DHRS4L2: variants seen among roughly 807,000 people sequenced by gnomAD.
The protein encoded by DHRS4L2 is dehydrogenase/reductase 4 like 2, also known as dehydrogenase/reductase SDR family member 4-like 2.
Under a neutral mutation model 23.9 loss-of-function variants are expected in DHRS4L2, and 22 were observed. The ratio of observed to expected loss-of-function variants is 0.92; its 90% CI spans 0.66 to 1.31. The LOEUF (loss-of-function observed/expected upper bound fraction) is 1.31. Ranked by LOEUF, DHRS4L2 falls within the 40% of genes most tolerant of loss-of-function variation. The pLI is 0.00. For synonymous variants in DHRS4L2, 141 were observed against 123.7 expected, an observed-to-expected ratio of 1.14 and a Z score of -0.93; for missense variants, 385 against 303.3, an observed-to-expected ratio of 1.27 and a Z score of -2.00.
chr14:23,999,293 A>G (rs1364499638), intron 3 of DHRS4L2, among the ~76,000 whole-genome samples: 9 of 146,900 alleles, frequency 6.1e-5, no homozygotes, highest in Middle Eastern at 3.6e-3. Flanking sequence ...AGCACATGCA[A>G]TTGGAAAAAT....
upstream of DHRS4L2, among the ~76,000 whole-genome samples, chr14:23,984,678 G>A (rs757567607): frequency 1.1e-4 from 16 of 150,786 alleles, no homozygotes; most frequent in Non-Finnish European, 2.2e-4. Context: ...TAGCTCACCA[G>A]GTACTGTAGT....
At chr14:23,976,904 G>A (rs2033976749) in intron 1 of DHRS4L2, among the ~76,000 whole-genome samples, 1 of 151,720 alleles carries the variant, frequency 6.6e-6, no homozygotes, top group African/African-American at 2.4e-5. Flanking sequence ...AGTGGAACAA[G>A]GAGAACACAT....
chr14:23,990,308 C>G lies in DHRS4L2; in HGVS notation c.255C>G (p.Gly85=), dbSNP rs1303385663. 6.2e-7 allele frequency: 1 copy of G among 1,612,000 alleles called. No individual in the cohort carries two copies. The highest frequency in any genetic ancestry group is 1.3e-5 in the African/African-American group (1 of 74,788). The change falls in exon 2 of 8, where the codon GGC becomes GGG. Residue 85 remains glycine, a synonymous_variant. Transcript: ENST00000335125. ...AGGGGGAGGGGCTGAGCGTGACGGG[C>G]ACTGTGTGCCATGTGGGGAAGGCGG... is the stretch of plus-strand genomic sequence containing the variant. ...TLQGEGLSVT[G]TVCHVGKAED...
chr14:24,001,648 C>A, intron 6 of DHRS4L2, 131 bp downstream of exon 6: 4 of 1,371,636 alleles, frequency 2.9e-6, no homozygotes, highest in Non-Finnish European at 3.9e-6. Flanking sequence ...TTCCCATATT[C>A]CCTCTCTGTA....
intron 3 of DHRS4L2, among the ~76,000 whole-genome samples, chr14:24,000,150 G>A (rs1179270226): frequency 7.0e-6 from 1 of 143,054 alleles, no homozygotes; most frequent in East Asian, 2.0e-4. Context: ...AGGACAAAAT[G>A]TGAACAATTG....
At chr14:24,002,280 T>TGGC (rs2034507425) in intron 6 of DHRS4L2, among the ~76,000 whole-genome samples, 1 of 54,764 alleles carries the variant, frequency 1.8e-5, no homozygotes. Flanking sequence ...TGGTTTCCAA[T>TGGC]TTCATCCATG....
chr14:23,993,551 G>A (rs139964146), intron 2 of DHRS4L2, among the ~76,000 whole-genome samples: 1 of 151,624 alleles, frequency 6.6e-6, no homozygotes, highest in South Asian at 2.1e-4. Flanking sequence ...CCGGGCAAAT[G>A]CAAAGTCTAG....
chr14:23,986,032 A>G, upstream of DHRS4L2, among the ~76,000 whole-genome samples: 1 of 150,752 alleles, frequency 6.6e-6, no homozygotes, highest in East Asian at 1.9e-4. Context: ...TCATTTTTTT[A>G]TTTTCAGTAG....
Position 24,006,340 on chromosome 14 carries a change from A to T in DHRS4L2, c.*477A>T. On this transcript the variant is annotated 3_prime_UTR_variant, in exon 8 of 8. Coordinates refer to ENST00000335125, the MANE Select transcript of DHRS4L2 (RefSeq NM_198083.4). ...AAGGAACCTGGAGTGGAAGGAGCAG[A>T]GTTGCAAATTAACAACTTGCAAATG... The T allele has an allele frequency of 3.6e-6, 1 of 279,668 alleles. No homozygotes were observed. 17.3% of individuals were successfully genotyped at this position (279,668 alleles called of 1,614,324 possible). A position where few individuals can be genotyped will look rare whatever the true frequency, so the allele number is the denominator to read the frequency against.
rs750917599 is a variant in DHRS4L2, at chr14:24,004,353, A to G, written c.682A>G (p.Lys228Glu). ...ASAGCSGWTR[K>E]KRKA Reference sequence around the variant, plus strand: ...TTCCTACAGCTCTGGATGGACAAGGAAAAAGAGGAAAGCATGAAAGAAACC... The same window carrying G: ...TTCCTACAGCTCTGGATGGACAAGGGAAAAGAGGAAAGCATGAAAGAAACC... The change falls in exon 7 of 8, where the codon AAA (lysine) becomes GAA (glutamate). Residue 228 changes from lysine (K) to glutamate (E), a missense_variant. Physicochemically the swap from Lys to Glu is moderately conservative, Grantham distance 56. Transcript: ENST00000335125. The G allele has an allele frequency of 1.2e-5, 19 of 1,604,076 alleles. No homozygotes were observed. The highest frequency in any genetic ancestry group is 1.5e-5 in the Non-Finnish European group (18 of 1,178,614).
chr14:23,974,818 G>T lies in DHRS4L2; in HGVS notation c.-176+4486G>T, dbSNP rs1188398328. Among the ~76,000 whole-genome samples, 2 of 151,768 alleles carry T rather than the reference G, an allele frequency of 1.3e-5. 1 individual carries two copies. The highest frequency in any genetic ancestry group is 4.8e-5 in the African/African-American group (2 of 41,292). ...GATTCATAGCCGAATTCTACCAGAG[G>T]TACAAAGAGGAGCTGGTACTATTCC... On this transcript the variant is annotated intron_variant, in intron 1 of 5. Transcript: ENST00000534993.
At chr14:23,971,578 GAA>G (rs2033858621) in intron 1 of DHRS4L2, among the ~76,000 whole-genome samples, 1 of 152,048 alleles carries the variant, frequency 6.6e-6, no homozygotes. Flanking sequence ...CAGCCAGAGA[GAA>G]AGGTTGGGTG....
chr14:23,974,449 T>C (rs1481144353), intron 1 of DHRS4L2, among the ~76,000 whole-genome samples: 2 of 145,246 alleles, frequency 1.4e-5, no homozygotes, highest in Non-Finnish European at 3.0e-5. Context: ...CTTCAAAGGA[T>C]CAATGAATCC....
chr14:24,000,999 A>C, intron 4 of DHRS4L2, 34 bp from the exon 5 acceptor site: 1 of 1,611,416 alleles, frequency 6.2e-7, no homozygotes, highest in East Asian at 2.2e-5. Flanking sequence ...AGTGGTCCAC[A>C]CTGGGAAGAC....
chr14:23,973,341 A>T (rs181520879), intron 1 of DHRS4L2, among the ~76,000 whole-genome samples: 1 of 152,042 alleles, frequency 6.6e-6, no homozygotes, highest in East Asian at 1.9e-4. Flanking sequence ...TGCTGCGCAC[A>T]GCCCCAGTTC....
In DHRS4L2 at chr14:24,001,458, A is replaced by C; in HGVS notation, c.606A>C (p.Pro202=). The C allele has an allele frequency of 6.2e-7, 1 of 1,606,168 alleles. No homozygotes were observed. The change falls in exon 6 of 8, where the codon CCA becomes CCC. Residue 202 remains proline, a synonymous_variant. Coordinates refer to ENST00000335125, the MANE Select transcript of DHRS4L2 (RefSeq NM_198083.4). ...ATACCCTGGCCATAGAGCTGGCCCCAAGGAACATTAGGGTGAACTGCCTGC... is the reference window on the plus strand; with the variant it reads ...ATACCCTGGCCATAGAGCTGGCCCCCAGGAACATTAGGGTGAACTGCCTGC... The part of the protein sequence containing the change: ...LNNTLAIELA[P]RNIRVNCLHL...
intron 1 of DHRS4L2, among the ~76,000 whole-genome samples, chr14:23,976,572 A>G (rs927569776): frequency 6.6e-5 from 10 of 151,848 alleles, no homozygotes; most frequent in African/African-American, 2.4e-4. Flanking sequence ...TAGAACCAGA[A>G]ATACCAATTG....
chr14:23,975,022 T>C (rs575080058), intron 1 of DHRS4L2, among the ~76,000 whole-genome samples: 1 of 151,632 alleles, frequency 6.6e-6, no homozygotes, highest in Non-Finnish European at 1.5e-5. Context: ...GCAAACCGAA[T>C]CCAGCATAAG....
At chr14:23,982,000 C>G (rs1338137305) in intron 1 of DHRS4L2, among the ~76,000 whole-genome samples, 1 of 151,650 alleles carries the variant, frequency 6.6e-6, no homozygotes, top group Non-Finnish European at 1.5e-5. Flanking sequence ...AGGCAGGAGA[C>G]AGTGGCCTTC....
Sources: allele counts gnomAD v4.1 joint callset (sites outside exome capture counted in the v4.1 genomes callset), GRCh38; gene constraint gnomAD v4.1.1; transcripts MANE v1.5; gene names NCBI Gene and HGNC (gene_info 2026-07-23, HGNC 2026-07-21).